The following SLC35A2 variants were observed in gnomAD, a reference collection of about 807,000 sequenced individuals.
The protein encoded by SLC35A2 is UDP-galactose translocator.
In SLC35A2, 1 loss-of-function variant was observed where a neutral mutation model predicts 17.3. The ratio of observed to expected loss-of-function variants is 0.06; its 90% CI spans 0.02 to 0.27. The LOEUF is 0.27. Ranked by LOEUF, SLC35A2 falls within the 10% of genes least tolerant of loss-of-function variation. SLC35A2 has a pLI of 1.00. For synonymous variants in SLC35A2, 161 were observed against 161.3 expected (o/e 1.00, Z 0.01); for missense variants, 191 against 339.3 (o/e 0.56, Z 3.43).
Position 48,905,409 on chromosome X carries a change from A to G in SLC35A2, c.500T>C (p.Leu167Pro). The change falls in exon 4 of 5, where the codon CTG becomes CCG. Residue 167 changes from leucine to proline, a missense_variant. By Grantham distance (98) the Leu-to-Pro change is moderately conservative. Around this residue, in one of 2 missense-constraint regions of SLC35A2, gnomAD observed 164 missense variants for 315.3 expected, o/e 0.52. Coordinates refer to ENST00000247138, the MANE Select transcript of SLC35A2 (RefSeq NM_005660.3). ...VLMLNRSLSRLQWASLLLLFT... is the reference protein window; with the variant it reads ...VLMLNRSLSRPQWASLLLLFT... ...GAGGAGCAGCAGGGAGGCCCACTGC[A>G]GCCGGGAAAGGCTGCGATTCAGCAT... The G allele has an allele frequency of 8.4e-7, 1 of 1,193,025 alleles. No individual in the cohort carries two copies. Among genetic ancestry groups the G allele is most frequent in the Non-Finnish European group, 1.1e-6 (1 of 887,587 alleles).
rs1557042865 is a variant in SLC35A2, at chrX:48,905,273, G to A, written c.636C>T (p.Ser212=). ...GLAAVVASCL[S]SGFAGVYFEK... Reference sequence around the variant, plus strand: ...CAAAGTAGACACCTGCGAAGCCGGAGGAGAGACAGGAGGCCACGACGGCTG... The same window carrying A: ...CAAAGTAGACACCTGCGAAGCCGGAAGAGAGACAGGAGGCCACGACGGCTG... The change falls in exon 4 of 5, where the codon TCC becomes TCT. Residue 212 remains serine, a synonymous_variant. Coordinates refer to ENST00000247138, the MANE Select transcript of SLC35A2 (RefSeq NM_005660.3). 8.4e-7 allele frequency: 1 copy of A among 1,197,400 alleles called. No individual in the cohort carries two copies. Among genetic ancestry groups the A allele is most frequent in the Admixed American group, 2.3e-5 (1 of 44,111 alleles).
intron 2 of SLC35A2, among the ~76,000 whole-genome samples, chrX:48,908,272 C>T (rs781911951): frequency 1.8e-5 from 2 of 108,204 alleles, no homozygotes; most frequent in East Asian, 6.1e-4. Flanking sequence ...CCTGCCACCG[C>T]GCCTGGATAA....
chrX:48,903,550 G>A, intron 4 of SLC35A2, 85 bp from the exon 5 acceptor site: 2 of 552,725 alleles, frequency 3.6e-6, no homozygotes, highest in Middle Eastern at 3.2e-4. Context: ...GGGCGGCGGT[G>A]GTGAGGCTGG....
At chrX:48,910,479 C>G (rs781891339) in intron 1 of SLC35A2, among the ~76,000 whole-genome samples, 1 of 112,125 alleles carries the variant, frequency 8.9e-6, no homozygotes, top group South Asian at 3.7e-4. Flanking sequence ...GATTAGCAAA[C>G]TGAGAATTTA....
rs782432189 is a variant in SLC35A2 at position 48,904,711 on chromosome X, C to A, written c.1163+35G>T. ...CCCAGTCCCCCTCCCTTGTGTCCCC[C>A]CATTGCTGCCAGCCCTCACTTCACC... On this transcript the variant is annotated intron_variant, in intron 4 of 4. Coordinates refer to ENST00000247138, the MANE Select transcript of SLC35A2 (RefSeq NM_005660.3). 2.5e-6 allele frequency: 3 copies of A among 1,211,426 alleles called. No homozygotes were observed. The South Asian group carries it at 5.3e-5, about 21-fold the overall frequency.
In SLC35A2 at chrX:48,905,468, C is replaced by T; in HGVS notation, c.441G>A (p.Leu147=). 2.6e-6 allele frequency: 3 copies of T among 1,148,886 alleles called. No individual in the cohort carries two copies. In the African/African-American group the frequency reaches 5.3e-5, roughly 20 times the overall value. The allele number at this position is 1,148,886 out of a possible 1,213,427, so 94.7% of individuals were successfully genotyped here. Residue 147 remains leucine (L), a synonymous_variant, in exon 4 of 5, where the codon CTG becomes CTA. Transcript: ENST00000247138. ...AGAACAGCGCTGTGGTCAGGATCTT[C>T]AGCTGGTATGTCACCTGCGAGTGGC... ...PAATFQVTYQ[L]KILTTALFSV...
At chrX:48,908,715 C>A (rs1237961966) in intron 2 of SLC35A2, among the ~76,000 whole-genome samples, 1 of 112,126 alleles carries the variant, frequency 8.9e-6, no homozygotes, top group African/African-American at 3.2e-5. Flanking sequence ...CCCCCACGGC[C>A]TGAGGCAGTG....
Position 48,905,446 on chromosome X carries a change from A to G in SLC35A2, c.463T>C (p.Phe155Leu). Residue 155 changes from phenylalanine (F) to leucine (L), a missense_variant, in exon 4 of 5, where the codon TTC (phenylalanine) becomes CTC (leucine). Physicochemically the swap from Phe to Leu is conservative, Grantham distance 22. Around this residue, in one of 2 missense-constraint regions of SLC35A2, gnomAD observed 164 missense variants for 315.3 expected, o/e 0.52. Coordinates refer to ENST00000247138, the MANE Select transcript of SLC35A2 (RefSeq NM_005660.3). ...YQLKILTTALFSVLMLNRSLS... is the reference protein window; with the variant it reads ...YQLKILTTALLSVLMLNRSLS... ...CTGCGATTCAGCATGAGCACGGAGA[A>G]CAGCGCTGTGGTCAGGATCTTCAGC... is the stretch of plus-strand genomic sequence containing the variant. 8.6e-7 allele frequency: 1 copy of G among 1,168,560 alleles called. No homozygotes were observed. Among genetic ancestry groups the G allele is most frequent in the Non-Finnish European group, 1.1e-6 (1 of 877,739 alleles).
chrX:48,905,620 A>T, intron 3 of SLC35A2, 138 bp from the exon 4 acceptor site: 1 of 526,248 alleles, frequency 1.9e-6, no homozygotes, highest in Non-Finnish European at 2.9e-6. Flanking sequence ...CAGCAAAAGG[A>T]GCCAGCCACT....
rs1351578788 is a variant in SLC35A2 at position 48,904,652 on chromosome X, G to A, written c.1163+94C>T. ...GAGGAGCCAGGCCCCGGAGGGTGGC[G>A]ACTTGGGTCCTGCAGATGCCCAACA... On this transcript the variant is annotated intron_variant, in intron 4 of 4. Coordinates refer to ENST00000247138, the MANE Select transcript of SLC35A2 (RefSeq NM_005660.3). 19 of 1,207,213 alleles carry A rather than the reference G, an allele frequency of 1.6e-5. No individual in the cohort carries two copies. The South Asian group carries it at 2.5e-4, about 16-fold the overall frequency.
At chrX:48,906,205 T>C (rs1602339943) in intron 3 of SLC35A2, 187 bp downstream of exon 3, 1 of 471,645 alleles carries the variant, frequency 2.1e-6, no homozygotes, top group East Asian at 3.7e-5. Flanking sequence ...AGCATCTCAG[T>C]GAACAGGCAT....
Position 48,903,238 on chromosome X carries a change from C to A in SLC35A2, c.*200G>T. The A allele has an allele frequency of 1.0e-6, 1 of 976,017 alleles. No individual in the cohort carries two copies. The highest frequency in any genetic ancestry group is 1.4e-6 in the Non-Finnish European group (1 of 701,344). 80.4% of individuals were successfully genotyped at this position (976,017 alleles called of 1,213,427 possible). A position where few individuals can be genotyped will look rare whatever the true frequency, so the allele number is the denominator to read the frequency against. On this transcript the variant is annotated 3_prime_UTR_variant, in exon 5 of 5. Coordinates refer to ENST00000247138, the MANE Select transcript of SLC35A2 (RefSeq NM_005660.3). ...AACTCAGCTAAGAGATAGTGTGGAG[C>A]TGGCAGGGGCTGGGGGGCTGAGCTG...
chrX:48,907,168 CAA>C (rs781843221), intron 2 of SLC35A2, among the ~76,000 whole-genome samples: 11 of 52,160 alleles, frequency 2.1e-4, no homozygotes, highest in Admixed American at 2.5e-4. Flanking sequence ...GACTCCATCT[CAA>C]AAAAAAAAAA....
chrX:48,910,503 T>C (rs941988312), intron 1 of SLC35A2, among the ~76,000 whole-genome samples: 2 of 111,798 alleles, frequency 1.8e-5, no homozygotes, highest in Admixed American at 1.9e-4. Context: ...GAAATGATGC[T>C]CCTGTTTAAT....
rs781853604 is a variant in SLC35A2 at position 48,911,479 on chromosome X, A to C, written c.91+67T>G. On this transcript the variant is annotated intron_variant, in intron 1 of 4. Transcript: ENST00000247138. ...GATGCTCCCTCTCACTTTAGTGAGG[A>C]ACATTCCCGACTCCCAGCGATCCCG... is the stretch of plus-strand genomic sequence containing the variant. The C allele has an allele frequency of 2.6e-6, 3 of 1,135,731 alleles. No homozygotes were observed. In the South Asian group the frequency reaches 5.8e-5, roughly 22 times the overall value. 93.6% of individuals were successfully genotyped at this position (1,135,731 alleles called of 1,213,427 possible).
At chrX:48,903,899 A>AT (rs2063464179) in intron 4 of SLC35A2, 1 of 773,179 alleles carries the variant, frequency 1.3e-6, no homozygotes, top group African/African-American at 2.3e-5. Flanking sequence ...AGCCAGACGG[A>AT]TATCAAGAGT....
chrX:48,908,404 C>A (rs1471210782), intron 2 of SLC35A2, among the ~76,000 whole-genome samples: 3 of 111,212 alleles, frequency 2.7e-5, no homozygotes, highest in Non-Finnish European at 5.7e-5. Context: ...ACGTGAGCAA[C>A]CACGCCCAGC....
chrX:48,909,922 A>G lies in SLC35A2; in HGVS notation c.166T>C (p.Tyr56His). The G allele has an allele frequency of 8.3e-7, 1 of 1,210,431 alleles. No individual in the cohort carries two copies. The highest frequency in any genetic ancestry group is 1.1e-6 in the Non-Finnish European group (1 of 894,631). The change falls in exon 2 of 5, where the codon TAC becomes CAC. Residue 56 changes from tyrosine to histidine, a missense_variant. Transcript: ENST00000247138. Reference protein sequence around the residue: ...QNASLILSIRYARTLPGDRFF... With the variant: ...QNASLILSIRHARTLPGDRFF... ...CGGTCCCCTGGCAACGTGCGGGCGT[A>G]GCGGATGCTGAGGATGAGGGAGGCA... is the stretch of plus-strand genomic sequence containing the variant.
At chrX:48,909,562 A>C (rs2063516118) in intron 2 of SLC35A2, among the ~76,000 whole-genome samples, 1 of 113,205 alleles carries the variant, frequency 8.8e-6, no homozygotes, top group African/African-American at 3.2e-5. Context: ...CATAATATGA[A>C]GCTAAATCAC....
Sources: allele counts gnomAD v4.1 joint callset (sites outside exome capture counted in the v4.1 genomes callset), GRCh38; gene constraint gnomAD v4.1.1; regional missense constraint gnomAD v4.1.1; transcripts MANE v1.5; gene names NCBI Gene and HGNC (gene_info 2026-07-23, HGNC 2026-07-21).